SEC61A1: variants seen among roughly 807,000 people sequenced by gnomAD.
SEC61A1 encodes SEC61 translocon subunit alpha 1.
Under a neutral mutation model 55.2 loss-of-function variants are expected in SEC61A1, and 15 were observed. The observed-to-expected ratio is 0.27, with a 90% CI of 0.18 to 0.42. The LOEUF (loss-of-function observed/expected upper bound fraction) is 0.42, where lower values mean the gene tolerates loss of function less well. Among genes scored for constraint, SEC61A1 ranks in the 10% least tolerant of loss-of-function variants. SEC61A1 has a pLI of 1.00. For synonymous variants in SEC61A1, 247 were observed against 234.0 expected (o/e 1.06, Z -0.51); for missense variants, 284 against 602.6 (o/e 0.47, Z 5.53).
chr3:128,056,097 T>C (rs1410368427), intron 4 of SEC61A1, among the ~76,000 whole-genome samples: 1 of 152,234 alleles, frequency 6.6e-6, no homozygotes, highest in African/African-American at 2.4e-5. Flanking sequence ...AATTTGTTTT[T>C]CAGCTGTATC....
At chr3:128,056,192 G>A (rs2107641939) in intron 4 of SEC61A1, among the ~76,000 whole-genome samples, 1 of 152,218 alleles carries the variant, frequency 6.6e-6, no homozygotes, top group South Asian at 2.1e-4. Context: ...ATGGGACTGG[G>A]GAGGATTCTG....
chr3:128,056,570 AAATT>A, intron 4 of SEC61A1, 135 bp from the exon 5 acceptor site: 1 of 683,920 alleles, frequency 1.5e-6, no homozygotes, highest in Non-Finnish European at 2.3e-6. Flanking sequence ...TTGGGGTTCT[AAATT>A]AAACACAGCT....
intron 11 of SEC61A1, among the ~76,000 whole-genome samples, chr3:128,068,405 G>T (rs1942048920): frequency 6.6e-6 from 1 of 152,196 alleles, no homozygotes; most frequent in African/African-American, 2.4e-5. Context: ...GTGCTGAAGA[G>T]AGCGCCCTGG....
chr3:128,059,043 TTAAA>T (rs60886566), intron 5 of SEC61A1, among the ~76,000 whole-genome samples: 6,569 of 152,180 alleles, frequency 0.043, 185 homozygotes, highest in Non-Finnish European at 0.058. Context: ...ACATGACAGA[TTAAA>T]TAGGAAAGCT....
At chr3:128,062,740 G>GT (rs1941868915) in intron 7 of SEC61A1, among the ~76,000 whole-genome samples, 1 of 152,212 alleles carries the variant, frequency 6.6e-6, no homozygotes, top group Non-Finnish European at 1.5e-5. Context: ...GAGTTCTTTA[G>GT]TTTCACCTTT....
At chr3:128,053,997 A>G (rs1009485825) in intron 2 of SEC61A1, among the ~76,000 whole-genome samples, 3 of 152,374 alleles carry the variant, frequency 2.0e-5, no homozygotes, top group East Asian at 1.9e-4. Flanking sequence ...CATTGGTGAC[A>G]AGAGTGTAGC....
intron 2 of SEC61A1, among the ~76,000 whole-genome samples, chr3:128,053,647 C>G (rs902711534): frequency 6.6e-6 from 1 of 152,176 alleles, no homozygotes; most frequent in African/African-American, 2.4e-5. Context: ...CATTTTTTTA[C>G]GTAAAATAGT....
intron 8 of SEC61A1, among the ~76,000 whole-genome samples, chr3:128,066,409 C>A (rs1310939103): frequency 2.6e-5 from 4 of 151,918 alleles, no homozygotes; most frequent in Non-Finnish European, 4.4e-5. Context: ...GGGATCATTC[C>A]ACCGTGCTTG....
chr3:128,068,407 G>A (rs1942049064), intron 11 of SEC61A1, among the ~76,000 whole-genome samples: 2 of 152,200 alleles, frequency 1.3e-5, no homozygotes, highest in Admixed American at 1.3e-4. Flanking sequence ...GCTGAAGAGA[G>A]CGCCCTGGAG....
chr3:128,071,649 A>G lies in SEC61A1; in HGVS notation c.*1987A>G, dbSNP rs1942170855. On this transcript the variant is annotated 3_prime_UTR_variant, in exon 12 of 12. Transcript: ENST00000243253. ...AAATGGCATAACTGAGATAAGGTGAATAAGTGACAAATAAAGCCAGTTTTT... is the reference window on the plus strand; with the variant it reads ...AAATGGCATAACTGAGATAAGGTGAGTAAGTGACAAATAAAGCCAGTTTTT... 1 of 152,712 alleles carries G rather than the reference A, an allele frequency of 6.5e-6. No homozygotes were observed. The highest frequency in any genetic ancestry group is 2.4e-5 in the African/African-American group (1 of 41,478). The allele number at this position is 152,712 out of a possible 1,614,324, so 9.5% of individuals were successfully genotyped here. A position where few individuals can be genotyped will look rare whatever the true frequency, so the allele number is the denominator to read the frequency against.
At chr3:128,051,875 G>A (rs1941677708), upstream of SEC61A1, 6 of 1,535,856 alleles carry the variant, frequency 3.9e-6, no homozygotes, top group Admixed American at 3.9e-5. Flanking sequence ...ACAAGCCTCC[G>A]GGTTTGCTTA....
At chr3:128,056,648 T>C (rs763480948) in intron 4 of SEC61A1, 61 bp from the exon 5 acceptor site, 35 of 1,381,054 alleles carry the variant, frequency 2.5e-5, no homozygotes, top group Non-Finnish European at 3.2e-5. Context: ...TATTCATTTT[T>C]AAAATAACGT....
At chr3:128,060,298 G>C (rs1223149876) in intron 6 of SEC61A1, 87 bp downstream of exon 6, 5 of 1,143,732 alleles carry the variant, frequency 4.4e-6, no homozygotes, top group Non-Finnish European at 6.5e-6. Flanking sequence ...ACACCTAAAA[G>C]GAACTCCTAC....
Position 128,069,742 on chromosome 3 carries a change from C to T in SEC61A1, c.*80C>T, listed in dbSNP as rs1942100091. On this transcript the variant is annotated 3_prime_UTR_variant, in exon 12 of 12. Coordinates refer to ENST00000243253, the MANE Select transcript of SEC61A1 (RefSeq NM_013336.4). ...GCTCTCATCATGGCGCGTGCTGCTG[C>T]GGCATATGGACTTTTAATAATGTTT... The T allele has an allele frequency of 7.8e-6, 9 of 1,154,464 alleles. No individual in the cohort carries two copies. The highest frequency in any genetic ancestry group is 8.9e-6 in the Non-Finnish European group (7 of 788,114). The allele number at this position is 1,154,464 out of a possible 1,614,324, so 71.5% of individuals were successfully genotyped here.
At position 128,052,942 on chromosome 3, in the gene SEC61A1, ACTGT is replaced by A. The variant is rs369807148; in HGVS notation, c.75+44_75+47del. 32 of 1,491,626 alleles carry A rather than the reference ACTGT, an allele frequency of 2.1e-5. No homozygotes were observed. In the South Asian group the frequency reaches 2.7e-4, roughly 12 times the overall value. The allele number at this position is 1,491,626 out of a possible 1,614,324, so 92.4% of individuals were successfully genotyped here. A position where few individuals can be genotyped will look rare whatever the true frequency, so the allele number is the denominator to read the frequency against. The stretch of plus-strand genomic sequence containing the variant: ...TCGCCAACAAAGAAGGTTTCAGGAA[ACTGT>A]CTGGACTCTGGAAGTTTACAGTATG... On this transcript the variant is annotated intron_variant, in intron 2 of 11. Transcript: ENST00000243253.
intron 2 of SEC61A1, among the ~76,000 whole-genome samples, chr3:128,053,351 T>G (rs1377464275): frequency 1.3e-5 from 2 of 152,184 alleles, no homozygotes; most frequent in Non-Finnish European, 2.9e-5. Flanking sequence ...TTTTGTACCT[T>G]TTATGTAGGC....
In SEC61A1 at chr3:128,052,737, C is replaced by G. The variant is rs1207735687; in HGVS notation, c.8-98C>G. 4 of 1,493,240 alleles carry G rather than the reference C, an allele frequency of 2.7e-6. No individual in the cohort carries two copies. In the East Asian group the frequency reaches 9.3e-5, roughly 35 times the overall value. The allele number at this position is 1,493,240 out of a possible 1,614,324, so 92.5% of individuals were successfully genotyped here. A position where few individuals can be genotyped will look rare whatever the true frequency, so the allele number is the denominator to read the frequency against. On this transcript the variant is annotated intron_variant, in intron 1 of 11. Transcript: ENST00000243253. ...CGGGGTGCGGCCGGCTCCCCTGGCCCCTGCTCTCACTCGTCGTGGGCAGAA... is the reference window on the plus strand; with the variant it reads ...CGGGGTGCGGCCGGCTCCCCTGGCCGCTGCTCTCACTCGTCGTGGGCAGAA...
intron 7 of SEC61A1, among the ~76,000 whole-genome samples, chr3:128,063,483 C>T (rs185117220): frequency 1.2e-4 from 19 of 152,280 alleles, no homozygotes; most frequent in Admixed American, 5.2e-4. Context: ...TACAGGCGCC[C>T]GCCACCATGT....
intron 5 of SEC61A1, among the ~76,000 whole-genome samples, chr3:128,057,134 A>G (rs1275710475): frequency 2.0e-5 from 3 of 152,170 alleles, no homozygotes; most frequent in Admixed American, 1.3e-4. Flanking sequence ...GGATTTCACT[A>G]CATAGGCCAT....
Sources: allele counts gnomAD v4.1 joint callset (sites outside exome capture counted in the v4.1 genomes callset), GRCh38; gene constraint gnomAD v4.1.1; transcripts MANE v1.5; gene names NCBI Gene and HGNC (gene_info 2026-07-23, HGNC 2026-07-21).